MYH9: variants seen among roughly 807,000 people sequenced by gnomAD.
The protein encoded by MYH9 is myosin-9.
In MYH9, 29 loss-of-function variants were observed where a neutral mutation model predicts 241.9. That is an observed-to-expected ratio of 0.12 (90% CI 0.09 to 0.16). The LOEUF (loss-of-function observed/expected upper bound fraction) is 0.16, where lower values mean the gene tolerates loss of function less well. Among genes scored for constraint, MYH9 ranks in the 10% least tolerant of loss-of-function variants. The pLI is 1.00. For synonymous variants in MYH9, 1,047 were observed against 1,062.6 expected (o/e 0.99, Z 0.29); for missense variants, 1,803 against 2,595.5 (o/e 0.69, Z 6.63).
intron 11 of MYH9, 74 bp downstream of exon 11, chr22:36,318,133 A>G (rs1472913721): frequency 7.4e-7 from 1 of 1,346,320 alleles, no homozygotes; most frequent in East Asian, 2.3e-5. Context: ...GATGGCCCAC[A>G]ACAGCCTCAA....
chr22:36,292,907 C>T (rs570847219), intron 30 of MYH9, among the ~76,000 whole-genome samples: 11 of 152,364 alleles, frequency 7.2e-5, no homozygotes, highest in Non-Finnish European at 1.0e-4. Context: ...CAGGAAGCCA[C>T]GTGCTGCTAG....
intron 1 of MYH9, among the ~76,000 whole-genome samples, chr22:36,383,599 C>A (rs1466425378): frequency 1.3e-5 from 2 of 151,974 alleles, no homozygotes; most frequent in Admixed American, 6.6e-5. Flanking sequence ...TGTCCCCCAG[C>A]CTCATCCCCA....
chr22:36,347,725 T>A (rs1351521465), intron 2 of MYH9, among the ~76,000 whole-genome samples: 1 of 150,608 alleles, frequency 6.6e-6, no homozygotes, highest in African/African-American at 2.5e-5. Context: ...ACAGAGCTAC[T>A]TTGGGAGGCT....
Position 36,285,430 on chromosome 22 carries a change from T to C in MYH9, c.5275-101A>G, listed in dbSNP as rs1422517221. 1.4e-6 allele frequency: 2 copies of C among 1,404,828 alleles called. No homozygotes were observed. The highest frequency in any genetic ancestry group is 2.0e-6 in the Non-Finnish European group (2 of 1,005,086). 87.0% of individuals were successfully genotyped at this position (1,404,828 alleles called of 1,614,324 possible). A position where few individuals can be genotyped will look rare whatever the true frequency, so the allele number is the denominator to read the frequency against. Reference sequence around the variant, plus strand: ...TGGCAGCAGGATCCCACCAAACCCTTGGGGTCCAGAGTCTTGGGTCTCCCA... The same window carrying C: ...TGGCAGCAGGATCCCACCAAACCCTCGGGGTCCAGAGTCTTGGGTCTCCCA... On this transcript the variant is annotated intron_variant, in intron 37 of 40. Transcript: ENST00000216181. This position sits in a 1 kb window ranked among gnomAD's most constrained non-coding sequence, Gnocchi z 7.0.
At position 36,286,859 on chromosome 22, in the gene MYH9, CAG is replaced by C; in HGVS notation, c.4933-15_4933-14del. 1 of 1,604,448 alleles carries C rather than the reference CAG, an allele frequency of 6.2e-7. No individual in the cohort carries two copies. Among genetic ancestry groups the C allele is most frequent in the Non-Finnish European group, 8.5e-7 (1 of 1,179,970 alleles). ...CCTTCATCTGGGCCTGGGGTGGGGA[CAG>C]AGGCTTGGCACCCCACCCAGCTCCT... is the stretch of plus-strand genomic sequence containing the variant. On this transcript the variant is annotated splice_polypyrimidine_tract_variant and intron_variant, in intron 34 of 40. Coordinates refer to ENST00000216181, the MANE Select transcript of MYH9 (RefSeq NM_002473.6).
chr22:36,290,251 G>A (rs984917816), intron 31 of MYH9, among the ~76,000 whole-genome samples: 13 of 148,486 alleles, frequency 8.8e-5, no homozygotes, highest in African/African-American at 3.3e-4. Flanking sequence ...TGTGGTCCCA[G>A]CCACTCAGGA....
At position 36,300,993 on chromosome 22, in the gene MYH9, G is replaced by A; in HGVS notation, c.2696C>T (p.Ala899Val). The A allele has an allele frequency of 6.2e-7, 1 of 1,611,852 alleles. No individual in the cohort carries two copies. Among genetic ancestry groups the A allele is most frequent in the Non-Finnish European group, 8.5e-7 (1 of 1,180,022 alleles). The change falls in exon 22 of 41, where the codon GCT becomes GTT. Residue 899 changes from alanine (A) to valine (V), a missense_variant. Physicochemically the swap from Ala to Val is moderately conservative, Grantham distance 64. Transcript: ENST00000216181. This position sits in a 1 kb window ranked among gnomAD's most constrained non-coding sequence, Gnocchi z 5.0. ...LQAETELCAEAEELRARLTAK... is the reference protein window; with the variant it reads ...LQAETELCAEVEELRARLTAK... ...GGTCAGGCGGGCCCGGAGCTCCTCA[G>A]CCTCGGCACACAGCTCGGTTTCTGC...
At chr22:36,321,458 C>T (rs368313724) in intron 7 of MYH9, among the ~76,000 whole-genome samples, 9 of 152,326 alleles carry the variant, frequency 5.9e-5, no homozygotes, top group East Asian at 1.9e-4. Context: ...AAAGGCTAAA[C>T]GGTGGCACGC....
intron 35 of MYH9, among the ~76,000 whole-genome samples, chr22:36,286,407 C>T (rs1218342795): frequency 2.0e-5 from 3 of 152,156 alleles, no homozygotes; most frequent in Admixed American, 1.3e-4. Flanking sequence ...TCAGGTGCGA[C>T]GGGCAGGGCG....
chr22:36,290,362 A>G (rs150925426), intron 31 of MYH9, among the ~76,000 whole-genome samples: 1,775 of 150,470 alleles, frequency 0.012, 15 homozygotes, highest in Non-Finnish European at 0.018. Flanking sequence ...AAAAAAACCC[A>G]AACTATTTTA....
intron 2 of MYH9, among the ~76,000 whole-genome samples, chr22:36,348,646 T>G (rs2017717041): frequency 1.3e-5 from 2 of 151,732 alleles, no homozygotes; most frequent in Admixed American, 6.5e-5. Context: ...AGGGCCATAT[T>G]CTTCTCCCTA....
intron 30 of MYH9, among the ~76,000 whole-genome samples, chr22:36,292,585 G>C (rs1247524619): frequency 6.6e-6 from 1 of 152,178 alleles, no homozygotes. Context: ...CCATCACCCA[G>C]CCCCATCCTT....
intron 24 of MYH9, chr22:36,297,355 A>T (rs887874865): frequency 3.8e-5 from 11 of 292,296 alleles, no homozygotes; most frequent in Non-Finnish European, 5.9e-5. Context: ...ATCTGAACTT[A>T]TATAATGGAA....
chr22:36,304,094 C>G lies in MYH9; in HGVS notation c.2291G>C (p.Arg764Pro), dbSNP rs746272927. The G allele has an allele frequency of 6.2e-7, 1 of 1,613,814 alleles. No individual in the cohort carries two copies. The highest frequency in any genetic ancestry group is 8.5e-7 in the Non-Finnish European group (1 of 1,180,022). ...YRIGQSKVFF[R>P]AGVLAHLEEE... ...CTCCAGGTGGGCCAGCACACCGGCA[C>G]GGAAGAAGACTTTGCTCTGGCCAAT... The change falls in exon 19 of 41, where the codon CGT becomes CCT. Residue 764 changes from arginine to proline, a missense_variant. Around this residue, in one of 11 missense-constraint regions of MYH9, gnomAD observed 72 missense variants for 83.3 expected, o/e 0.86. Coordinates refer to ENST00000216181, the MANE Select transcript of MYH9 (RefSeq NM_002473.6).
Position 36,300,778 on chromosome 22 carries a change from C to T in MYH9, c.2838+73G>A. On this transcript the variant is annotated intron_variant, in intron 22 of 40. Transcript: ENST00000216181. The surrounding 1 kb of genome is among the most constrained non-coding windows in gnomAD (Gnocchi z 5.0). ...GGACCCTAATTCCATGTTCTCCCAG[C>T]TCCTGGTTCCTGCTCCTCCGCCCCG... The T allele has an allele frequency of 6.5e-7, 1 of 1,547,504 alleles. No homozygotes were observed. Among genetic ancestry groups the T allele is most frequent in the Non-Finnish European group, 8.8e-7 (1 of 1,136,028 alleles).
intron 3 of MYH9, among the ~76,000 whole-genome samples, chr22:36,337,973 T>A (rs1421809914): frequency 6.6e-6 from 1 of 151,806 alleles, no homozygotes; most frequent in African/African-American, 2.4e-5. Flanking sequence ...GTCAGCTATA[T>A]ACAAAAAGAA....
chr22:36,285,824 A>G lies in MYH9; in HGVS notation c.5150+41T>C. The G allele has an allele frequency of 6.2e-7, 1 of 1,613,384 alleles. No homozygotes were observed. Among genetic ancestry groups the G allele is most frequent in the Non-Finnish European group, 8.5e-7 (1 of 1,179,888 alleles). ...GAAGTGAGGGGCCTACCCTGGGGAC[A>G]CACCTGGTCCCCCCCAACTCTGCCC... On this transcript the variant is annotated intron_variant, in intron 36 of 40. Coordinates refer to ENST00000216181, the MANE Select transcript of MYH9 (RefSeq NM_002473.6). This position sits in a 1 kb window ranked among gnomAD's most constrained non-coding sequence, Gnocchi z 7.0.
Position 36,321,831 on chromosome 22 carries a change from A to T in MYH9, c.706-10T>A. The T allele has an allele frequency of 1.2e-6, 2 of 1,613,180 alleles. No homozygotes were observed. Among genetic ancestry groups the T allele is most frequent in the East Asian group, 2.2e-5 (1 of 44,884 alleles). ...TGCGAATGAATTTGCCCTAAGTAAG[A>T]AAGGATAGCAAGAGATCAGAGGTGC... On this transcript the variant is annotated splice_polypyrimidine_tract_variant and intron_variant, in intron 6 of 40. Transcript: ENST00000216181.
intron 11 of MYH9, among the ~76,000 whole-genome samples, 159 bp from the exon 12 acceptor site, chr22:36,316,828 C>G (rs370647073): frequency 2.0e-5 from 3 of 152,126 alleles, no homozygotes; most frequent in South Asian, 4.1e-4. Flanking sequence ...AATATGTTCA[C>G]TGTGGTGTTA....
Sources: allele counts gnomAD v4.1 joint callset (sites outside exome capture counted in the v4.1 genomes callset), GRCh38; gene constraint gnomAD v4.1.1; regional missense constraint gnomAD v4.1.1; non-coding constraint Gnocchi (gnomAD v3.1); transcripts MANE v1.5; gene names NCBI Gene and HGNC (gene_info 2026-07-23, HGNC 2026-07-21).